The following TMEM41B variants were observed in gnomAD, a reference collection of about 807,000 sequenced individuals.
The protein encoded by TMEM41B is protein stasimon.
In TMEM41B, 18 loss-of-function variants were observed where a neutral mutation model predicts 31.9. That is an observed-to-expected ratio of 0.56 (90% confidence interval 0.39 to 0.84). The LOEUF (loss-of-function observed/expected upper bound fraction) is 0.84, where lower values mean the gene tolerates loss of function less well. Among genes scored for constraint, TMEM41B ranks in the 40% least tolerant of loss-of-function variants. The probability of loss-of-function intolerance (pLI) is 0.00; values close to 1 mark genes in which losing one functional copy is unlikely to be tolerated. For missense variants in TMEM41B, 322 were observed against 348.0 expected (o/e 0.93, Z 0.59); for synonymous variants, 144 against 124.3 (o/e 1.16, Z -1.05).
chr11:9,288,295 A>G, intron 4 of TMEM41B, 147 bp downstream of exon 4: 1 of 578,514 alleles, frequency 1.7e-6, no homozygotes, highest in Non-Finnish European at 2.9e-6. Flanking sequence ...AACAAATTAT[A>G]ACACCTCCTT....
intron 6 of TMEM41B, among the ~76,000 whole-genome samples, chr11:9,285,812 C>CAAAAAA (rs59531093): frequency 1.4e-5 from 1 of 70,656 alleles, no homozygotes; most frequent in Non-Finnish European, 3.0e-5. Context: ...GCAACATTTA[C>CAAAAAA]AAAAAAAAAA....
intron 1 of TMEM41B, among the ~76,000 whole-genome samples, chr11:9,306,881 T>C (rs569031514): frequency 3.5e-4 from 54 of 152,340 alleles, no homozygotes; most frequent in African/African-American, 1.3e-3. Flanking sequence ...CCTACTTTAA[T>C]GAGCACCCCA....
chr11:9,304,202 C>G (rs1156841445), intron 1 of TMEM41B, among the ~76,000 whole-genome samples: 1 of 152,118 alleles, frequency 6.6e-6, no homozygotes, highest in Non-Finnish European at 1.5e-5. Flanking sequence ...GAATTAAAAA[C>G]ACACTTTAAA....
At chr11:9,311,319 C>T (rs1853555507) in intron 1 of TMEM41B, 1 of 1,522,806 alleles carries the variant, frequency 6.6e-7, no homozygotes, top group South Asian at 1.1e-5. Flanking sequence ...GGAATGCTTG[C>T]TATGCTTGTG....
chr11:9,292,415 TAAAGTA>T (rs1193076637), intron 3 of TMEM41B, among the ~76,000 whole-genome samples: 6 of 152,266 alleles, frequency 3.9e-5, no homozygotes, highest in Admixed American at 2.0e-4. Flanking sequence ...CTATGAAACA[TAAAGTA>T]AATGTATAAA....
intron 1 of TMEM41B, among the ~76,000 whole-genome samples, chr11:9,313,610 C>A (rs1362337893): frequency 6.6e-6 from 1 of 152,166 alleles, no homozygotes; most frequent in Admixed American, 6.5e-5. Flanking sequence ...TGAGAAATGT[C>A]AGGATGATGT....
In TMEM41B at chr11:9,280,674, TTTA is replaced by T. The variant is rs1852699493; in HGVS notation, c.*2747_*2749del. 6.6e-6 allele frequency: 1 copy of T among 152,200 alleles called. No homozygotes were observed. Among genetic ancestry groups the T allele is most frequent in the African/African-American group, 2.4e-5 (1 of 41,456 alleles). The allele number at this position is 152,200 out of a possible 1,614,324, so 9.4% of individuals were successfully genotyped here. A position where few individuals can be genotyped will look rare whatever the true frequency, so the allele number is the denominator to read the frequency against. ...TGACATTTAGGTTTCTCCAATACAA[TTTA>T]TTATTATTACATTTTAGCTTGCATT... On this transcript the variant is annotated 3_prime_UTR_variant, in exon 7 of 7. Coordinates refer to ENST00000528080, the MANE Select transcript of TMEM41B (RefSeq NM_015012.4).
intron 1 of TMEM41B, among the ~76,000 whole-genome samples, chr11:9,301,843 A>T (rs188016027): frequency 3.9e-5 from 6 of 152,334 alleles, no homozygotes; most frequent in Admixed American, 2.0e-4. Context: ...CGCCGAAGAC[A>T]TGTATCAGAA....
At chr11:9,284,505 G>A (rs1852792157) in intron 6 of TMEM41B, among the ~76,000 whole-genome samples, 1 of 152,054 alleles carries the variant, frequency 6.6e-6, no homozygotes, top group Admixed American at 6.5e-5. Context: ...GCTCATACGT[G>A]TAATCCCAGC....
rs1480672090 is a variant in TMEM41B, at chr11:9,281,313, C to T, written c.*2111G>A. Reference sequence around the variant, plus strand: ...TAACAAAAGATGTATCAGTCAGTCTCTGGGCAATAAGAAAGGAAGAAAGCC... The same window carrying T: ...TAACAAAAGATGTATCAGTCAGTCTTTGGGCAATAAGAAAGGAAGAAAGCC... On this transcript the variant is annotated 3_prime_UTR_variant, in exon 7 of 7. Transcript: ENST00000528080. 2 of 152,128 alleles carry T rather than the reference C, an allele frequency of 1.3e-5. No homozygotes were observed. The highest frequency in any genetic ancestry group is 1.5e-5 in the Non-Finnish European group (1 of 68,036). The allele number at this position is 152,128 out of a possible 1,614,324, so 9.4% of individuals were successfully genotyped here.
chr11:9,304,188 C>G (rs1668314348), intron 1 of TMEM41B, among the ~76,000 whole-genome samples: 2 of 152,056 alleles, frequency 1.3e-5, no homozygotes, highest in South Asian at 4.1e-4. Flanking sequence ...TTTTGGAACA[C>G]AGAGAATTAA....
intron 5 of TMEM41B, among the ~76,000 whole-genome samples, chr11:9,286,811 C>T (rs1852847548): frequency 6.6e-6 from 1 of 151,690 alleles, no homozygotes; most frequent in African/African-American, 2.4e-5. Context: ...AACAGCCTGG[C>T]TAACATGGTG....
chr11:9,283,607 T>C lies in TMEM41B; in HGVS notation c.707-14A>G. The stretch of plus-strand genomic sequence containing the variant: ...GAGGTGCGACACCTGAAATAAAATA[T>C]AAAAAGATACAGTAAAAACCACCGC... On this transcript the variant is annotated splice_polypyrimidine_tract_variant and intron_variant, in intron 6 of 6. Coordinates refer to ENST00000528080, the MANE Select transcript of TMEM41B (RefSeq NM_015012.4). 1 of 1,593,294 alleles carries C rather than the reference T, an allele frequency of 6.3e-7. No homozygotes were observed. Among genetic ancestry groups the C allele is most frequent in the East Asian group, 2.3e-5 (1 of 44,366 alleles).
chr11:9,311,177 TG>T, intron 1 of TMEM41B: 2 of 1,291,816 alleles, frequency 1.5e-6, no homozygotes, highest in Non-Finnish European at 2.1e-6. Flanking sequence ...GGGTAGGGTG[TG>T]GGGAGCACAA....
intron 1 of TMEM41B, among the ~76,000 whole-genome samples, chr11:9,312,487 C>T (rs1271519973): frequency 6.6e-6 from 1 of 152,122 alleles, no homozygotes; most frequent in Non-Finnish European, 1.5e-5. Flanking sequence ...GGTGACACAG[C>T]GAGGCCTTGT....
Position 9,285,426 on chromosome 11 carries a change from C to T in TMEM41B, c.706+1029G>A, listed in dbSNP as rs533398835. Among the ~76,000 whole-genome samples the T allele has an allele frequency of 5.9e-5, 9 of 152,036 alleles. No homozygotes were observed. The East Asian group carries it at 1.5e-3, about 26-fold the overall frequency. On this transcript the variant is annotated intron_variant, in intron 6 of 6. Transcript: ENST00000528080. Reference sequence around the variant, plus strand: ...CAATAAATAATTGATTTTGGTTATTCTTTTCAAAAAGACATATTCTCACAA... The same window carrying T: ...CAATAAATAATTGATTTTGGTTATTTTTTTCAAAAAGACATATTCTCACAA...
At chr11:9,301,481 C>A (rs1224782597) in intron 1 of TMEM41B, among the ~76,000 whole-genome samples, 3 of 152,184 alleles carry the variant, frequency 2.0e-5, no homozygotes, top group Admixed American at 2.0e-4. Flanking sequence ...CCTAAAAGTA[C>A]TGAACTGCCT....
chr11:9,311,567 A>T lies in TMEM41B; in HGVS notation c.121+2754T>A. Reference sequence around the variant, plus strand: ...CTTGCGGAGCTCCTGGGGGAGGAGGACAGGGGCCTGGGGGAAAGGGTGGGT... The same window carrying T: ...CTTGCGGAGCTCCTGGGGGAGGAGGTCAGGGGCCTGGGGGAAAGGGTGGGT... On this transcript the variant is annotated intron_variant, in intron 1 of 6. Coordinates refer to ENST00000528080, the MANE Select transcript of TMEM41B (RefSeq NM_015012.4). 6.2e-6 allele frequency: 7 copies of T among 1,137,962 alleles called. No homozygotes were observed. In the South Asian group the frequency reaches 8.7e-5, roughly 14 times the overall value. The allele number at this position is 1,137,962 out of a possible 1,614,324, so 70.5% of individuals were successfully genotyped here.
At position 9,299,576 on chromosome 11, in the gene TMEM41B, A is replaced by G; in HGVS notation, c.239+8T>C. The G allele has an allele frequency of 4.0e-6, 6 of 1,507,770 alleles. No homozygotes were observed. The highest frequency in any genetic ancestry group is 5.5e-6 in the Non-Finnish European group (6 of 1,089,608). 93.4% of individuals were successfully genotyped at this position (1,507,770 alleles called of 1,614,324 possible). ...ATACATTTTCAGTTTATCTCTCAGT[A>G]TACTTACTCACTAAGCTGAGGAAAA... is the stretch of plus-strand genomic sequence containing the variant. On this transcript the variant is annotated splice_region_variant and intron_variant, in intron 2 of 6. Coordinates refer to ENST00000528080, the MANE Select transcript of TMEM41B (RefSeq NM_015012.4).
Sources: allele counts gnomAD v4.1 joint callset (sites outside exome capture counted in the v4.1 genomes callset), GRCh38; gene constraint gnomAD v4.1.1; transcripts MANE v1.5; gene names NCBI Gene and HGNC (gene_info 2026-07-23, HGNC 2026-07-21).